Variants in GALNT18 observed in about 807,000 individuals in gnomAD.
GALNT18 encodes polypeptide N-acetylgalactosaminyltransferase 18.
A neutral mutation model predicts 69.5 loss-of-function variants in GALNT18; 44 were observed. That is an observed-to-expected ratio of 0.63 (90% CI 0.50 to 0.81). The LOEUF (loss-of-function observed/expected upper bound fraction) is 0.81, where lower values mean the gene tolerates loss of function less well. Ranked by LOEUF, GALNT18 falls within the 40% of genes least tolerant of loss-of-function variation. The pLI is 0.00. For missense variants in GALNT18, 715 were observed against 810.0 expected (o/e 0.88, Z 1.42); for synonymous variants, 364 against 318.2 (o/e 1.14, Z -1.53).
rs967310321 is a variant in GALNT18 at position 11,573,383 on chromosome 11, T to A, written c.235+47976A>T. ...TCCTTCTCTTACACTAAGGTACATG[T>A]GCCCACCTAAGTATCAGCCAAGCCA... On this transcript the variant is annotated intron_variant, in intron 1 of 10. Coordinates refer to ENST00000227756, the MANE Select transcript of GALNT18 (RefSeq NM_198516.3). This position sits in a 1 kb window ranked among gnomAD's most constrained non-coding sequence, Gnocchi z 4.6. 3 of 152,230 alleles carry A rather than the reference T, an allele frequency of 2.0e-5. No individual in the cohort carries two copies. Among genetic ancestry groups the A allele is most frequent in the South Asian group, 2.1e-4 (1 of 4,830 alleles). 9.4% of individuals were successfully genotyped at this position (152,230 alleles called of 1,614,324 possible). A position where few individuals can be genotyped will look rare whatever the true frequency, so the allele number is the denominator to read the frequency against.
intron 3 of GALNT18, among the ~76,000 whole-genome samples, chr11:11,393,149 A>T (rs970774296): frequency 6.6e-6 from 1 of 152,208 alleles, no homozygotes; most frequent in Non-Finnish European, 1.5e-5. Flanking sequence ...GACTTGAAAC[A>T]GCACCCATGG....
At chr11:11,352,427 T>G (rs1433568294) in intron 6 of GALNT18, 1 of 1,614,172 alleles carries the variant, frequency 6.2e-7, no homozygotes, top group East Asian at 2.2e-5. Context: ...CATGGAAAAA[T>G]GGCTCCTTCC....
chr11:11,323,180 G>A (rs1002218941), intron 9 of GALNT18, among the ~76,000 whole-genome samples: 1 of 152,140 alleles, frequency 6.6e-6, no homozygotes, highest in Non-Finnish European at 1.5e-5. Flanking sequence ...CAGCCCCAAA[G>A]GTCTTAACTC....
At chr11:11,438,711 T>C (rs1235757968) in intron 2 of GALNT18, among the ~76,000 whole-genome samples, 2 of 152,146 alleles carry the variant, frequency 1.3e-5, no homozygotes, top group African/African-American at 4.8e-5. Context: ...AGTGGTGTTG[T>C]GTCATTGGCA....
chr11:11,286,642 C>G (rs1209466693), intron 10 of GALNT18, among the ~76,000 whole-genome samples: 1 of 152,214 alleles, frequency 6.6e-6, no homozygotes, highest in Middle Eastern at 3.4e-3. Context: ...TAAAAAGACT[C>G]CTTCATTTGA....
chr11:11,417,532 CAAGCATAA>C (rs1787260628), intron 3 of GALNT18, among the ~76,000 whole-genome samples: 1 of 152,178 alleles, frequency 6.6e-6, no homozygotes, highest in South Asian at 2.1e-4. Flanking sequence ...TTCAGCCCAC[CAAGCATAA>C]AAGTGTGAAT....
rs10765872 is a variant in GALNT18, at chr11:11,596,937, T to C, written c.235+24422A>G. Among the ~76,000 whole-genome samples, 61,158 of 151,994 alleles carry C rather than the reference T, an allele frequency of 0.4. 14,241 individuals are homozygous for C. Among genetic ancestry groups the C allele is most frequent in the East Asian group, 0.72 (3,738 of 5,162 alleles). Reference sequence around the variant, plus strand: ...ATTAAGTATGATGTTAGTTGTGGGATTTTTTGTAGATGTTCTTCATCAGGT... The same window carrying C: ...ATTAAGTATGATGTTAGTTGTGGGACTTTTTGTAGATGTTCTTCATCAGGT... On this transcript the variant is annotated intron_variant, in intron 1 of 10. Coordinates refer to ENST00000227756, the MANE Select transcript of GALNT18 (RefSeq NM_198516.3). This position sits in a 1 kb window ranked among gnomAD's most constrained non-coding sequence, Gnocchi z 4.2.
At position 11,620,692 on chromosome 11, in the gene GALNT18, G is replaced by A. The variant is rs1409613293; in HGVS notation, c.235+667C>T. On this transcript the variant is annotated intron_variant, in intron 1 of 10. Coordinates refer to ENST00000227756, the MANE Select transcript of GALNT18 (RefSeq NM_198516.3). The surrounding 1 kb of genome is among the most constrained non-coding windows in gnomAD (Gnocchi z 6.9). Reference sequence around the variant, plus strand: ...AGAGACTCCAGCGCTACTTCCCGGCGTTGACACCTGCTCCTGGAGAGGGTC... The same window carrying A: ...AGAGACTCCAGCGCTACTTCCCGGCATTGACACCTGCTCCTGGAGAGGGTC... 6.6e-6 allele frequency among the ~76,000 whole-genome samples: 1 copy of A among 152,088 alleles called. No individual in the cohort carries two copies. The highest frequency in any genetic ancestry group is 1.5e-5 in the Non-Finnish European group (1 of 68,004).
intron 1 of GALNT18, among the ~76,000 whole-genome samples, chr11:11,483,177 G>T (rs1214272547): frequency 1.3e-5 from 2 of 151,958 alleles, no homozygotes; most frequent in Non-Finnish European, 2.9e-5. Flanking sequence ...TTGCCTCCTT[G>T]CCTCTATGCC....
At chr11:11,395,849 G>A (rs1589966966) in intron 3 of GALNT18, among the ~76,000 whole-genome samples, 1 of 152,254 alleles carries the variant, frequency 6.6e-6, no homozygotes, top group East Asian at 1.9e-4. Context: ...AAACAGGAGG[G>A]GAAAGCTAGA....
intron 3 of GALNT18, among the ~76,000 whole-genome samples, chr11:11,381,111 T>C (rs1465341681): frequency 6.6e-6 from 1 of 152,200 alleles, no homozygotes; most frequent in Admixed American, 6.5e-5. Context: ...CCCACAAATG[T>C]CAGGACATTG....
At chr11:11,539,435 C>T (rs1302909619) in intron 1 of GALNT18, among the ~76,000 whole-genome samples, 8 of 152,192 alleles carry the variant, frequency 5.3e-5, no homozygotes, top group Admixed American at 2.0e-4. Context: ...TTTGGCCTGG[C>T]CACCCTTCCA....
chr11:11,554,095 G>A (rs776187435), intron 1 of GALNT18, among the ~76,000 whole-genome samples: 18 of 152,166 alleles, frequency 1.2e-4, no homozygotes, highest in Admixed American at 3.3e-4. Flanking sequence ...CGTCCTCCCC[G>A]GTGGTCACCA....
chr11:11,508,031 C>T (rs1279278278), intron 1 of GALNT18, among the ~76,000 whole-genome samples: 1 of 152,148 alleles, frequency 6.6e-6, no homozygotes, highest in Non-Finnish European at 1.5e-5. Flanking sequence ...TACCATAATA[C>T]CATATGATAC....
intron 1 of GALNT18, among the ~76,000 whole-genome samples, chr11:11,466,351 T>A (rs1397122966): frequency 6.6e-6 from 1 of 152,232 alleles, no homozygotes; most frequent in Non-Finnish European, 1.5e-5. Context: ...AAATTAGGTA[T>A]CACAAATGAA....
chr11:11,410,688 G>A (rs1048372258), intron 3 of GALNT18, among the ~76,000 whole-genome samples: 16 of 152,120 alleles, frequency 1.1e-4, no homozygotes, highest in African/African-American at 3.1e-4. Flanking sequence ...CACACTAAGA[G>A]GCATTTTCCC....
chr11:11,295,209 G>A (rs1053191014), intron 9 of GALNT18, among the ~76,000 whole-genome samples: 1 of 152,196 alleles, frequency 6.6e-6, no homozygotes, highest in African/African-American at 2.4e-5. Flanking sequence ...GGGGGTGAAG[G>A]GCAGGCAGGG....
intron 9 of GALNT18, among the ~76,000 whole-genome samples, chr11:11,311,540 G>T (rs539572554): frequency 2.6e-5 from 4 of 152,178 alleles, no homozygotes; most frequent in Non-Finnish European, 4.4e-5. Flanking sequence ...CTGCCTGGGG[G>T]TTGAGTCAAA....
chr11:11,554,273 C>T (rs766931170), intron 1 of GALNT18, among the ~76,000 whole-genome samples: 5 of 152,140 alleles, frequency 3.3e-5, no homozygotes, highest in Non-Finnish European at 5.9e-5. Flanking sequence ...CCCTTTGCCA[C>T]AGCCTGGCCT....
Sources: allele counts gnomAD v4.1 joint callset (sites outside exome capture counted in the v4.1 genomes callset), GRCh38; gene constraint gnomAD v4.1.1; non-coding constraint Gnocchi (gnomAD v3.1); transcripts MANE v1.5; gene names NCBI Gene and HGNC (gene_info 2026-07-23, HGNC 2026-07-21).